KDM7A: variants seen among roughly 807,000 people sequenced by gnomAD.
The protein encoded by KDM7A is lysine-specific demethylase 7A.
In KDM7A, 28 loss-of-function variants were observed where a neutral mutation model predicts 114.8. The ratio of observed to expected loss-of-function variants is 0.24; its 90% CI spans 0.18 to 0.33. KDM7A has a LOEUF of 0.33. Among genes scored for constraint, KDM7A ranks in the 10% least tolerant of loss-of-function variants. The pLI is 1.00. For synonymous variants in KDM7A, 423 were observed against 397.8 expected, an observed-to-expected ratio of 1.06 and a Z score of -0.75; for missense variants, 942 against 1,142.5, an observed-to-expected ratio of 0.82 and a Z score of 2.53.
chr7:140,171,034 G>C (rs1484874298), intron 1 of KDM7A, among the ~76,000 whole-genome samples: 1 of 150,790 alleles, frequency 6.6e-6, no homozygotes, highest in East Asian at 1.9e-4. Flanking sequence ...AGATCAGCCT[G>C]GGTTGGTAAT....
At chr7:140,125,759 A>T (rs975561214) in intron 6 of KDM7A, among the ~76,000 whole-genome samples, 3 of 151,656 alleles carry the variant, frequency 2.0e-5, no homozygotes, top group African/African-American at 7.3e-5. Context: ...TTTTAGAGAC[A>T]GGTTCTTGCT....
At chr7:140,099,514 T>C (rs1562945469) in intron 13 of KDM7A, among the ~76,000 whole-genome samples, 1 of 151,462 alleles carries the variant, frequency 6.6e-6, no homozygotes, top group Non-Finnish European at 1.5e-5. Flanking sequence ...TAAACGGGGG[T>C]CCCCAACCCC....
At chr7:140,092,607 C>CA (rs200398056) in intron 18 of KDM7A, among the ~76,000 whole-genome samples, 1,585 of 150,750 alleles carry the variant, frequency 0.011, 21 homozygotes, top group African/African-American at 0.036. Context: ...TTTCAGGGGG[C>CA]AAAAAAAACG....
intron 1 of KDM7A, among the ~76,000 whole-genome samples, chr7:140,142,902 T>TAA (rs111959732): frequency 6.7e-6 from 1 of 150,072 alleles, no homozygotes; most frequent in African/African-American, 2.4e-5. Flanking sequence ...TAATGCAAAT[T>TAA]AAAAAAAAAA....
At chr7:140,109,299 C>G (rs1818394796) in intron 11 of KDM7A, among the ~76,000 whole-genome samples, 1 of 152,198 alleles carries the variant, frequency 6.6e-6, no homozygotes, top group African/African-American at 2.4e-5. Context: ...GTGAGATGAA[C>G]CCAGTACCTC....
intron 1 of KDM7A, among the ~76,000 whole-genome samples, chr7:140,171,546 A>AATATATATTTATTTATATATTTAT (rs1562962708): frequency 2.2e-5 from 3 of 137,860 alleles, no homozygotes; most frequent in Non-Finnish European, 4.7e-5. Flanking sequence ...TATATTTATA[A>AATATATATTTATTTATATATTTAT]ATATATATTT....
chr7:140,153,184 T>TA (rs1794420111), intron 1 of KDM7A, among the ~76,000 whole-genome samples: 1 of 151,522 alleles, frequency 6.6e-6, no homozygotes, highest in Admixed American at 6.6e-5. Context: ...CAGGCAAATG[T>TA]AAGGAAAATA....
chr7:140,169,482 C>G (rs1437603488), intron 1 of KDM7A, among the ~76,000 whole-genome samples: 2 of 152,118 alleles, frequency 1.3e-5, no homozygotes, highest in Admixed American at 1.3e-4. Flanking sequence ...AAATACAGAA[C>G]AGGAGAGCAT....
intron 1 of KDM7A, among the ~76,000 whole-genome samples, chr7:140,154,562 A>G (rs1397438054): frequency 6.6e-6 from 1 of 151,940 alleles, no homozygotes; most frequent in African/African-American, 2.4e-5. Context: ...TTATTCACAA[A>G]AAGATTCCAC....
intron 1 of KDM7A, among the ~76,000 whole-genome samples, chr7:140,142,725 C>T (rs963009190): frequency 6.6e-6 from 1 of 152,090 alleles, no homozygotes; most frequent in African/African-American, 2.4e-5. Context: ...TCTATGATTA[C>T]TCAATGACCA....
At chr7:140,122,064 C>T (rs1475356887) in intron 7 of KDM7A, among the ~76,000 whole-genome samples, 1 of 152,174 alleles carries the variant, frequency 6.6e-6, no homozygotes, top group African/African-American at 2.4e-5. Flanking sequence ...TTGGCCATGA[C>T]GTCCAGCAAT....
rs1817973400 is a variant in KDM7A, at chr7:140,088,693, G to A, written c.*2401C>T. 1 of 390,524 alleles carries A rather than the reference G, an allele frequency of 2.6e-6. No individual in the cohort carries two copies. Among genetic ancestry groups the A allele is most frequent in the Non-Finnish European group, 4.5e-6 (1 of 221,278 alleles). 24.2% of individuals were successfully genotyped at this position (390,524 alleles called of 1,614,324 possible). A position where few individuals can be genotyped will look rare whatever the true frequency, so the allele number is the denominator to read the frequency against. ...TCTATTCAAGTGGTTCTATTACCTC[G>A]CTGAAAGTTTTCTAACTTAGCCACT... On this transcript the variant is annotated 3_prime_UTR_variant, in exon 20 of 20. Coordinates refer to ENST00000397560, the MANE Select transcript of KDM7A (RefSeq NM_030647.2).
At chr7:140,164,304 G>C (rs1794551326) in intron 1 of KDM7A, among the ~76,000 whole-genome samples, 1 of 152,204 alleles carries the variant, frequency 6.6e-6, no homozygotes, top group African/African-American at 2.4e-5. Flanking sequence ...AAAACCTATA[G>C]ATCAGGGTTT....
chr7:140,100,723 T>TATATATATATATATACAC (rs1818205695), intron 12 of KDM7A, among the ~76,000 whole-genome samples: 6 of 59,336 alleles, frequency 1.0e-4, no homozygotes, highest in Non-Finnish European at 1.3e-4. Flanking sequence ...TATATATATA[T>TATATATATATATATACAC]ATATATATAT....
At chr7:140,140,777 T>C (rs1160281161) in intron 1 of KDM7A, among the ~76,000 whole-genome samples, 2 of 151,694 alleles carry the variant, frequency 1.3e-5, no homozygotes, top group Non-Finnish European at 2.9e-5. Flanking sequence ...GAATACCTGC[T>C]ATTACTACTG....
At position 140,089,988 on chromosome 7, in the gene KDM7A, CCAA is replaced by C; in HGVS notation, c.*1103_*1105del. On this transcript the variant is annotated 3_prime_UTR_variant, in exon 20 of 20. Coordinates refer to ENST00000397560, the MANE Select transcript of KDM7A (RefSeq NM_030647.2). ...ATTTGAATATCCTAAATAACATTTCCCAACAAATCAGGTATGGAGCATAAAAGT... is the reference window on the plus strand; with the variant it reads ...ATTTGAATATCCTAAATAACATTTCCCAAATCAGGTATGGAGCATAAAAGT... The C allele has an allele frequency of 6.6e-6, 1 of 152,192 alleles. No homozygotes were observed. The highest frequency in any genetic ancestry group is 2.1e-4 in the South Asian group (1 of 4,824). The allele number at this position is 152,192 out of a possible 1,614,324, so 9.4% of individuals were successfully genotyped here. A position where few individuals can be genotyped will look rare whatever the true frequency, so the allele number is the denominator to read the frequency against.
chr7:140,127,727 A>T, intron 4 of KDM7A, 144 bp from the exon 5 acceptor site: 1 of 760,924 alleles, frequency 1.3e-6, no homozygotes, highest in South Asian at 1.6e-5. Flanking sequence ...CTATACTCTT[A>T]ATTTCTCAAG....
intron 1 of KDM7A, among the ~76,000 whole-genome samples, chr7:140,171,854 G>A (rs1794646478): frequency 6.6e-6 from 1 of 151,914 alleles, no homozygotes; most frequent in South Asian, 2.1e-4. Context: ...TGCATCCATA[G>A]TGTATTCTTT....
chr7:140,141,154 T>C (rs1348439654), intron 1 of KDM7A, among the ~76,000 whole-genome samples: 1 of 151,990 alleles, frequency 6.6e-6, no homozygotes, highest in Non-Finnish European at 1.5e-5. Context: ...AAAACCTAAA[T>C]AAAGGGAGAT....
Sources: gnomAD v4.1 joint callset for allele counts (sites outside exome capture counted in the v4.1 genomes callset) on GRCh38, gnomAD v4.1.1 for gene constraint, MANE v1.5 for transcripts, NCBI Gene and HGNC (gene_info 2026-07-23, HGNC 2026-07-21) for gene names.